TMEM47: variants seen among roughly 807,000 people sequenced by gnomAD.
TMEM47 encodes brain cell membrane protein 1.
A neutral mutation model predicts 12.4 loss-of-function variants in TMEM47; 3 were observed. The ratio of observed to expected loss-of-function variants is 0.24; its 90% CI spans 0.11 to 0.63. The LOEUF (loss-of-function observed/expected upper bound fraction) is 0.63, where lower values mean the gene tolerates loss of function less well. TMEM47 is among the 20% of genes least tolerant of loss of function. The pLI is 0.86. For synonymous variants in TMEM47, 62 were observed against 63.3 expected, an observed-to-expected ratio of 0.98 and a Z score of 0.10; for missense variants, 89 against 143.8, an observed-to-expected ratio of 0.62 and a Z score of 1.95.
chrX:34,644,405 G>T (rs749085391), intron 1 of TMEM47, among the ~76,000 whole-genome samples: 18 of 112,311 alleles, frequency 1.6e-4, no homozygotes, highest in Non-Finnish European at 3.2e-4. Flanking sequence ...TCCAATTGGA[G>T]AATTATCATT....
rs752910936 is a variant in TMEM47 at position 34,652,776 on chromosome X, G to T, written c.226+4028C>A. On this transcript the variant is annotated intron_variant, in intron 1 of 2. Transcript: ENST00000275954. ...TTGGTGCTCTCTGGTACTCTTAACT[G>T]TCCACCCGTCTATGATGTCTAGGTT... 2.2e-3 allele frequency among the ~76,000 whole-genome samples: 247 copies of T among 111,837 alleles called. 1 individual carries two copies. The highest frequency in any genetic ancestry group is 7.7e-3 in the African/African-American group (237 of 30,820).
Position 34,630,064 on chromosome X carries a change from C to A in TMEM47, c.*249G>T, listed in dbSNP as rs1307547696. ...TAGACCCTTCATTTGTCAAGAAAAA[C>A]GATATGAACATATTGGAAGTTTGCA... On this transcript the variant is annotated 3_prime_UTR_variant, in exon 3 of 3. Coordinates refer to ENST00000275954, the MANE Select transcript of TMEM47 (RefSeq NM_031442.4). 7.2e-6 allele frequency: 2 copies of A among 277,500 alleles called. No individual in the cohort carries two copies. The highest frequency in any genetic ancestry group is 5.7e-5 in the Admixed American group (1 of 17,480). 22.9% of individuals were successfully genotyped at this position (277,500 alleles called of 1,213,427 possible).
intron 1 of TMEM47, among the ~76,000 whole-genome samples, chrX:34,649,319 T>C (rs1231689540): frequency 9.0e-6 from 1 of 111,325 alleles, no homozygotes; most frequent in Non-Finnish European, 1.9e-5. Context: ...CGATGACAGA[T>C]GGGATGAAGA....
chrX:34,648,785 C>A (rs1921961702), intron 1 of TMEM47, among the ~76,000 whole-genome samples: 1 of 111,955 alleles, frequency 8.9e-6, no homozygotes, highest in Admixed American at 9.5e-5. Flanking sequence ...AAAATATTTG[C>A]AAGCTATTCA....
chrX:34,650,348 A>C (rs1921994452), intron 1 of TMEM47, among the ~76,000 whole-genome samples: 1 of 111,861 alleles, frequency 8.9e-6, no homozygotes, highest in Non-Finnish European at 1.9e-5. Context: ...TTTAAAAACC[A>C]ACCCTCCAAA....
chrX:34,655,742 A>ATG (rs746852386), intron 1 of TMEM47, among the ~76,000 whole-genome samples: 99 of 105,787 alleles, frequency 9.4e-4, no homozygotes, highest in African/African-American at 3.1e-3. Context: ...TCAGGTGTCT[A>ATG]TGTGTGTGTG....
intron 1 of TMEM47, among the ~76,000 whole-genome samples, chrX:34,642,947 G>C (rs951130096): frequency 9.0e-6 from 1 of 111,631 alleles, no homozygotes; most frequent in African/African-American, 3.3e-5. Context: ...GTTTAACCTC[G>C]ATCAGGAAGC....
intron 1 of TMEM47, among the ~76,000 whole-genome samples, chrX:34,650,275 C>A (rs1186397984): frequency 8.9e-6 from 1 of 111,859 alleles, no homozygotes; most frequent in Non-Finnish European, 1.9e-5. Context: ...AGCTTCCATA[C>A]ATGACATCAT....
chrX:34,627,993 T>A lies in TMEM47; in HGVS notation c.*2320A>T, dbSNP rs1299080496. On this transcript the variant is annotated 3_prime_UTR_variant, in exon 3 of 3. Transcript: ENST00000275954. ...GAAAAAAGTCACATAAGAAATCTAC[T>A]TTTCAGTAAACTGCAAATATGTGTG... is the stretch of plus-strand genomic sequence containing the variant. 8.9e-6 allele frequency: 1 copy of A among 112,013 alleles called. No homozygotes were observed. The highest frequency in any genetic ancestry group is 1.9e-5 in the Non-Finnish European group (1 of 53,100). The allele number at this position is 112,013 out of a possible 1,213,427, so 9.2% of individuals were successfully genotyped here.
intron 1 of TMEM47, among the ~76,000 whole-genome samples, chrX:34,640,406 T>A (rs750224151): frequency 8.9e-6 from 1 of 111,981 alleles, no homozygotes; most frequent in Non-Finnish European, 1.9e-5. Flanking sequence ...AGAAATAGTA[T>A]GATGAAAAAC....
At chrX:34,647,637 T>A (rs1223164625) in intron 1 of TMEM47, among the ~76,000 whole-genome samples, 2 of 111,506 alleles carry the variant, frequency 1.8e-5, no homozygotes, top group African/African-American at 6.5e-5. Context: ...AGGAAAGGTG[T>A]CCTTGTCTAA....
intron 1 of TMEM47, among the ~76,000 whole-genome samples, chrX:34,653,999 G>A (rs770373819): frequency 2.7e-5 from 3 of 111,605 alleles, no homozygotes; most frequent in African/African-American, 9.8e-5. Flanking sequence ...AAAGCATTAC[G>A]GCTGACTGAC....
intron 2 of TMEM47, among the ~76,000 whole-genome samples, chrX:34,637,103 A>G (rs1921730647): frequency 8.9e-6 from 1 of 112,030 alleles, no homozygotes; most frequent in Admixed American, 9.6e-5. Flanking sequence ...GTGTATGTTA[A>G]GTGTCTAGCA....
chrX:34,628,830 G>C lies in TMEM47; in HGVS notation c.*1483C>G, dbSNP rs1569161867. The C allele has an allele frequency of 8.9e-6, 1 of 111,877 alleles. No homozygotes were observed. Among genetic ancestry groups the C allele is most frequent in the Admixed American group, 9.5e-5 (1 of 10,472 alleles). The allele number at this position is 111,877 out of a possible 1,213,427, so 9.2% of individuals were successfully genotyped here. On this transcript the variant is annotated 3_prime_UTR_variant, in exon 3 of 3. Coordinates refer to ENST00000275954, the MANE Select transcript of TMEM47 (RefSeq NM_031442.4). ...AACTGTATATTTGATATAAAAATATGTTTATAATTAAGCTATCCAAATTTG... is the reference window on the plus strand; with the variant it reads ...AACTGTATATTTGATATAAAAATATCTTTATAATTAAGCTATCCAAATTTG...
chrX:34,643,808 T>C (rs753025241), intron 1 of TMEM47, among the ~76,000 whole-genome samples: 1 of 111,309 alleles, frequency 9.0e-6, no homozygotes, highest in Non-Finnish European at 1.9e-5. Context: ...CTGAGTTTGG[T>C]TTCTGAGACC....
intron 2 of TMEM47, among the ~76,000 whole-genome samples, chrX:34,637,159 T>C (rs1167250848): frequency 1.8e-5 from 2 of 111,716 alleles, no homozygotes; most frequent in East Asian, 5.6e-4. Flanking sequence ...ATCAGCATTA[T>C]TATTATAAAA....
chrX:34,632,722 G>A (rs1921647814), intron 2 of TMEM47, among the ~76,000 whole-genome samples: 1 of 111,521 alleles, frequency 9.0e-6, no homozygotes, highest in Non-Finnish European at 1.9e-5. Context: ...CTCAGAAAAG[G>A]TTTTGGTTGT....
chrX:34,656,002 G>A (rs1455649950), intron 1 of TMEM47, among the ~76,000 whole-genome samples: 1 of 111,447 alleles, frequency 9.0e-6, no homozygotes, highest in African/African-American at 3.3e-5. Context: ...AAAGCCCCCT[G>A]GGACTGGTAG....
intron 2 of TMEM47, among the ~76,000 whole-genome samples, chrX:34,636,019 G>T (rs1421298700): frequency 8.9e-6 from 1 of 112,127 alleles, no homozygotes. Flanking sequence ...GTAACTACTA[G>T]TGGCAGCAGT....
Sources: allele counts gnomAD v4.1 joint callset (sites outside exome capture counted in the v4.1 genomes callset), GRCh38; gene constraint gnomAD v4.1.1; transcripts MANE v1.5; gene names NCBI Gene and HGNC (gene_info 2026-07-23, HGNC 2026-07-21).